KCNQ1OT1: variants seen among roughly 807,000 people sequenced by gnomAD.
KCNQ1OT1 encodes the protein KCNQ1 opposite strand/antisense transcript 1, also known as KCNQ1 antisense RNA 2 (non-protein coding).
chr11:2,693,623 C>T (rs1850625166), exon 1 of KCNQ1OT1: 1 of 398,500 alleles, frequency 2.5e-6, no homozygotes, highest in African/African-American at 2.1e-5. Context: ...GAGCTTCGCC[C>T]AGCCGTAGGA....
rs776170046 is a variant in KCNQ1OT1, at chr11:2,664,048, C to G, written n.35947G>C. The G allele has an allele frequency of 2.5e-6, 1 of 398,632 alleles. No homozygotes were observed. The highest frequency in any genetic ancestry group is 4.4e-6 in the Non-Finnish European group (1 of 226,140). The allele number at this position is 398,632 out of a possible 1,614,324, so 24.7% of individuals were successfully genotyped here. A position where few individuals can be genotyped will look rare whatever the true frequency, so the allele number is the denominator to read the frequency against. On this transcript the variant is annotated non_coding_transcript_exon_variant, in exon 1 of 1. Coordinates refer to ENST00000597346, the Ensembl canonical transcript of KCNQ1OT1. The surrounding 1 kb of genome is among the most constrained non-coding windows in gnomAD (Gnocchi z 5.1). ...ATCCTGCAGCCTTTTCAGGTTGGCA[C>G]TCCCATGGCCTCCAGTGATAAGTGG...
rs1420200397 is a variant in KCNQ1OT1 at position 2,647,235 on chromosome 11, G to C, written n.52760C>G. 2.5e-5 allele frequency: 10 copies of C among 398,278 alleles called. No individual in the cohort carries two copies. Among genetic ancestry groups the C allele is most frequent in the Non-Finnish European group, 4.4e-5 (10 of 226,024 alleles). The allele number at this position is 398,278 out of a possible 1,614,324, so 24.7% of individuals were successfully genotyped here. On this transcript the variant is annotated non_coding_transcript_exon_variant, in exon 1 of 1. Transcript: ENST00000597346. The surrounding 1 kb of genome is among the most constrained non-coding windows in gnomAD (Gnocchi z 4.0). ...TTTCTGCATCTATTGAGATGATCAT[G>C]TATTTTTTTGTCCTTCCTTCTGTTA...
Position 2,612,498 on chromosome 11 carries a change from T to G in KCNQ1OT1, n.87497A>C. The G allele has an allele frequency of 2.5e-6, 1 of 398,160 alleles. No homozygotes were observed. Among genetic ancestry groups the G allele is most frequent in the Non-Finnish European group, 4.4e-6 (1 of 226,050 alleles). 24.7% of individuals were successfully genotyped at this position (398,160 alleles called of 1,614,324 possible). A position where few individuals can be genotyped will look rare whatever the true frequency, so the allele number is the denominator to read the frequency against. The stretch of plus-strand genomic sequence containing the variant: ...TGGATCTGCGTTGAAGTTCATTGAT[T>G]CTTTCTTCTGCCAGGTCAAATTTGC... On this transcript the variant is annotated non_coding_transcript_exon_variant, in exon 1 of 1. Transcript: ENST00000597346. This position sits in a 1 kb window ranked among gnomAD's most constrained non-coding sequence, Gnocchi z 5.5.
exon 1 of KCNQ1OT1, chr11:2,632,405 A>G (rs1415458948): frequency 2.5e-6 from 1 of 398,336 alleles, no homozygotes; most frequent in Non-Finnish European, 4.4e-6. Context: ...ACTATGTTTA[A>G]TATAATGGCT....
exon 1 of KCNQ1OT1, chr11:2,655,731 G>T: frequency 8.0e-6 from 2 of 251,238 alleles, no homozygotes; most frequent in South Asian, 1.8e-4. Context: ...ACCTGGCTAC[G>T]ACCACAGGTG....
exon 1 of KCNQ1OT1, chr11:2,618,104 G>C (rs948046461): frequency 2.5e-6 from 1 of 398,370 alleles, no homozygotes; most frequent in Non-Finnish European, 4.4e-6. Flanking sequence ...ATCACTGCCA[G>C]AGCCATGTCG....
chr11:2,666,925 C>A, exon 1 of KCNQ1OT1: 1 of 398,674 alleles, frequency 2.5e-6, no homozygotes, highest in Non-Finnish European at 4.4e-6. Flanking sequence ...CTGCAAAGCT[C>A]CAGACCACCT....
rs1849680998 is a variant in KCNQ1OT1 at position 2,647,263 on chromosome 11, G to A, written n.52732C>T. ...TTTTTTTGTCCTTCCTTCTGTTAAT[G>A]TGATGTATCACATTTATTGATTTGT... On this transcript the variant is annotated non_coding_transcript_exon_variant, in exon 1 of 1. Coordinates refer to ENST00000597346, the Ensembl canonical transcript of KCNQ1OT1. This position sits in a 1 kb window ranked among gnomAD's most constrained non-coding sequence, Gnocchi z 4.0. 3 of 397,934 alleles carry A rather than the reference G, an allele frequency of 7.5e-6. No individual in the cohort carries two copies. Among genetic ancestry groups the A allele is most frequent in the East Asian group, 3.6e-5 (1 of 28,062 alleles). The allele number at this position is 397,934 out of a possible 1,614,324, so 24.7% of individuals were successfully genotyped here.
exon 1 of KCNQ1OT1, chr11:2,618,075 T>C (rs1849097908): frequency 2.5e-6 from 1 of 398,458 alleles, no homozygotes; most frequent in Non-Finnish European, 4.4e-6. Context: ...GCCTGAGCTT[T>C]TGGTGTGATC....
chr11:2,619,773 T>C (rs1462371503), exon 1 of KCNQ1OT1: 1 of 398,230 alleles, frequency 2.5e-6, no homozygotes, highest in Non-Finnish European at 4.4e-6. Context: ...TTAAGAAGTA[T>C]TGGTATTCTT....
exon 1 of KCNQ1OT1, chr11:2,643,443 C>A (rs1355426938): frequency 2.5e-6 from 1 of 398,088 alleles, no homozygotes; most frequent in East Asian, 3.6e-5. Context: ...TTAGCTTAAC[C>A]TTTGTTTTAT....
rs528606841 is a variant in KCNQ1OT1, at chr11:2,609,040, ATATT to A, written n.90951_90954del. 2.0e-3 allele frequency: 803 copies of A among 397,784 alleles called. 6 individuals carry two copies. The highest frequency in any genetic ancestry group is 0.015 in the African/African-American group (733 of 48,528). The allele number at this position is 397,784 out of a possible 1,614,324, so 24.6% of individuals were successfully genotyped here. A position where few individuals can be genotyped will look rare whatever the true frequency, so the allele number is the denominator to read the frequency against. On this transcript the variant is annotated non_coding_transcript_exon_variant, in exon 1 of 1. Coordinates refer to ENST00000597346, the Ensembl canonical transcript of KCNQ1OT1. ...TATTCTATATTTTATTTCTACTCTA[ATATT>A]TATTATTTTGTTTTTTCTACTTGCT...
In KCNQ1OT1 at chr11:2,671,649, G is replaced by A. The variant is rs1282464452; in HGVS notation, n.28346C>T. ...CAGCAGTGTCCTGTGGTGCCCTGCT[G>A]GGGAAACTGAGGCAGAGAGCAGGGG... On this transcript the variant is annotated non_coding_transcript_exon_variant, in exon 1 of 1. Coordinates refer to ENST00000597346, the Ensembl canonical transcript of KCNQ1OT1. This position sits in a 1 kb window ranked among gnomAD's most constrained non-coding sequence, Gnocchi z 4.7. The A allele has an allele frequency of 2.0e-5, 8 of 395,086 alleles. No homozygotes were observed. Among genetic ancestry groups the A allele is most frequent in the Non-Finnish European group, 3.1e-5 (7 of 225,032 alleles). 24.5% of individuals were successfully genotyped at this position (395,086 alleles called of 1,614,324 possible). A position where few individuals can be genotyped will look rare whatever the true frequency, so the allele number is the denominator to read the frequency against.
chr11:2,612,338 T>C lies in KCNQ1OT1; in HGVS notation n.87657A>G. 1 of 398,700 alleles carries C rather than the reference T, an allele frequency of 2.5e-6. No homozygotes were observed. Among genetic ancestry groups the C allele is most frequent in the East Asian group, 3.6e-5 (1 of 28,084 alleles). The allele number at this position is 398,700 out of a possible 1,614,324, so 24.7% of individuals were successfully genotyped here. A position where few individuals can be genotyped will look rare whatever the true frequency, so the allele number is the denominator to read the frequency against. ...AACTAAAGCCTCCCCCAACTGGCTG[T>C]GGAAAAATTGTCTTCCACAAAACTG... On this transcript the variant is annotated non_coding_transcript_exon_variant, in exon 1 of 1. Coordinates refer to ENST00000597346, the Ensembl canonical transcript of KCNQ1OT1. This position sits in a 1 kb window ranked among gnomAD's most constrained non-coding sequence, Gnocchi z 5.5.
exon 1 of KCNQ1OT1, chr11:2,675,045 G>C (rs985908630): frequency 1.4e-4 from 57 of 398,634 alleles, no homozygotes; most frequent in Middle Eastern, 1.3e-3. Context: ...GTGGGGGACG[G>C]GGATGCCAAG....
exon 1 of KCNQ1OT1, chr11:2,648,447 CTA>C: frequency 2.5e-6 from 1 of 398,344 alleles, no homozygotes. Flanking sequence ...TTGTTGTACC[CTA>C]TACATTTTTG....
exon 1 of KCNQ1OT1, chr11:2,632,869 G>A (rs540121917): frequency 2.5e-6 from 1 of 398,394 alleles, no homozygotes; most frequent in Non-Finnish European, 4.4e-6. Flanking sequence ...GAACAGTACT[G>A]CAATAAACAT....
exon 1 of KCNQ1OT1, chr11:2,656,238 A>T (rs1849846365): frequency 7.5e-6 from 3 of 398,688 alleles, no homozygotes; most frequent in Non-Finnish European, 1.3e-5. Flanking sequence ...GTCACTTGAC[A>T]ACTGCATTAT....
At position 2,651,530 on chromosome 11, in the gene KCNQ1OT1, G is replaced by A. The variant is rs1178801353; in HGVS notation, n.48465C>T. ...AAGAACGTGAATGCTAAGGGCATAT[G>A]AGTGTGTCCCTGAGAACATGGATAT... On this transcript the variant is annotated non_coding_transcript_exon_variant, in exon 1 of 1. Transcript: ENST00000597346. This position sits in a 1 kb window ranked among gnomAD's most constrained non-coding sequence, Gnocchi z 6.1. The A allele has an allele frequency of 2.5e-6, 1 of 398,496 alleles. No homozygotes were observed. The highest frequency in any genetic ancestry group is 4.4e-6 in the Non-Finnish European group (1 of 226,092). 24.7% of individuals were successfully genotyped at this position (398,496 alleles called of 1,614,324 possible). A position where few individuals can be genotyped will look rare whatever the true frequency, so the allele number is the denominator to read the frequency against.
Sources: allele counts gnomAD v4.1 joint callset, GRCh38; gene constraint gnomAD v4.1.1; non-coding constraint Gnocchi (gnomAD v3.1); transcripts MANE v1.5; gene names NCBI Gene and HGNC (gene_info 2026-07-23, HGNC 2026-07-21).